POGLUT3: variants seen among roughly 807,000 people sequenced by gnomAD.
POGLUT3 encodes the protein protein O-glucosyltransferase 3.
A neutral mutation model predicts 54.3 loss-of-function variants in POGLUT3; 48 were observed. That is an observed-to-expected ratio of 0.88 (90% CI 0.70 to 1.12). The LOEUF (loss-of-function observed/expected upper bound fraction) is 1.12, where lower values mean the gene tolerates loss of function less well. POGLUT3 is among the 50% of genes most tolerant of loss of function. POGLUT3 has a pLI of 0.00. For missense variants in POGLUT3, 629 were observed against 618.7 expected (o/e 1.02, Z -0.18); for synonymous variants, 218 against 237.4 (o/e 0.92, Z 0.75).
At chr11:108,490,752 T>G (rs1277627923) in intron 2 of POGLUT3, among the ~76,000 whole-genome samples, 3 of 152,150 alleles carry the variant, frequency 2.0e-5, no homozygotes, top group South Asian at 2.1e-4. Context: ...GTTTCGCAAA[T>G]AGTAACTACA....
intron 3 of POGLUT3, among the ~76,000 whole-genome samples, chr11:108,483,830 G>A (rs896741744): frequency 2.6e-5 from 4 of 151,966 alleles, no homozygotes; most frequent in South Asian, 2.1e-4. Flanking sequence ...CACCACACCC[G>A]GCTAATTTTT....
chr11:108,493,217 T>C (rs2093616239), intron 1 of POGLUT3, among the ~76,000 whole-genome samples: 1 of 152,222 alleles, frequency 6.6e-6, no homozygotes, highest in African/African-American at 2.4e-5. Flanking sequence ...TTTTTGTCGC[T>C]GAAATATCAT....
At position 108,472,990 on chromosome 11, in the gene POGLUT3, C is replaced by T. The variant is rs1002526774; in HGVS notation, c.*1837G>A. The T allele has an allele frequency of 5.3e-5, 8 of 152,284 alleles. No homozygotes were observed. Among genetic ancestry groups the T allele is most frequent in the African/African-American group, 1.9e-4 (8 of 41,560 alleles). The allele number at this position is 152,284 out of a possible 1,614,324, so 9.4% of individuals were successfully genotyped here. ...TCTTCAGCAAGAATAGATGTAACCA[C>T]TTTAAAAATAGTTACATTGTTTTCC... On this transcript the variant is annotated 3_prime_UTR_variant, in exon 8 of 8. Transcript: ENST00000323468.
rs2093577252 is a variant in POGLUT3, at chr11:108,474,832, GTTC to G, written c.1516_1518del (p.Glu506del). On this transcript the variant is annotated inframe_deletion, in exon 8 of 8. Coordinates refer to ENST00000323468, the MANE Select transcript of POGLUT3 (RefSeq NM_153705.5). Reference sequence around the variant, plus strand: ...GAGTGTGATTCTGGGCTGACTCAAAGTTCTTCTCTTGAAGGCTTTTTCCTGTGG... The same window carrying G: ...GAGTGTGATTCTGGGCTGACTCAAAGTTCTCTTGAAGGCTTTTTCCTGTGG... The G allele has an allele frequency of 4.3e-6, 7 of 1,614,094 alleles. No individual in the cohort carries two copies. The highest frequency in any genetic ancestry group is 5.1e-6 in the Non-Finnish European group (6 of 1,179,996).
chr11:108,479,406 G>A lies in POGLUT3; in HGVS notation c.1188C>T (p.Asp396=). 6.2e-7 allele frequency: 1 copy of A among 1,612,670 alleles called. No individual in the cohort carries two copies. The highest frequency in any genetic ancestry group is 8.5e-7 in the Non-Finnish European group (1 of 1,179,688). The change falls in exon 6 of 8, where the codon GAC becomes GAT. Residue 396 remains aspartate (D), a synonymous_variant. Coordinates refer to ENST00000323468, the MANE Select transcript of POGLUT3 (RefSeq NM_153705.5). ...MLGDSLVLKQ[D]SPYYEHFYMA... ...TGTAGAAATGTTCATAATATGGCGA[G>A]TCCTGCTTTAAAACCAGACTGTCGC...
At chr11:108,481,950 C>T in intron 4 of POGLUT3, 56 bp downstream of exon 4, 2 of 1,357,400 alleles carry the variant, frequency 1.5e-6, no homozygotes, top group Non-Finnish European at 2.1e-6. Context: ...ATATGTATAA[C>T]CCACTCTGTC....
intron 5 of POGLUT3, 58 bp from the exon 6 acceptor site, chr11:108,479,553 C>A: frequency 7.5e-7 from 1 of 1,325,836 alleles, no homozygotes; most frequent in Non-Finnish European, 1.0e-6. Flanking sequence ...TTCACTTCTG[C>A]TCCTCATCAA....
intron 7 of POGLUT3, among the ~76,000 whole-genome samples, chr11:108,475,463 G>GTTTTTTTTTTTTTTTTTTTT (rs367899085): frequency 2.7e-5 from 3 of 109,926 alleles, no homozygotes; most frequent in Admixed American, 1.0e-4. Flanking sequence ...AGTTTTTTTT[G>GTTTTTTTTTTTTTTTTTTTT]TTTTTGTTTT....
chr11:108,496,646 T>C (rs1192275134), intron 1 of POGLUT3, among the ~76,000 whole-genome samples: 2 of 152,232 alleles, frequency 1.3e-5, no homozygotes, highest in Non-Finnish European at 1.5e-5. Context: ...TCTGAGTATT[T>C]AGGGTCTAAC....
Position 108,473,088 on chromosome 11 carries a change from A to C in POGLUT3, c.*1739T>G, listed in dbSNP as rs1173204659. 1 of 150,770 alleles carries C rather than the reference A, an allele frequency of 6.6e-6. No individual in the cohort carries two copies. The highest frequency in any genetic ancestry group is 1.5e-5 in the Non-Finnish European group (1 of 67,594). 9.3% of individuals were successfully genotyped at this position (150,770 alleles called of 1,614,324 possible). A position where few individuals can be genotyped will look rare whatever the true frequency, so the allele number is the denominator to read the frequency against. On this transcript the variant is annotated 3_prime_UTR_variant, in exon 8 of 8. Transcript: ENST00000323468. Reference sequence around the variant, plus strand: ...TTTTCAGTTTTTGAGATGGAGTCTCACTCTGTCACCCAGGCTGGAGTGCAG... The same window carrying C: ...TTTTCAGTTTTTGAGATGGAGTCTCCCTCTGTCACCCAGGCTGGAGTGCAG...
At chr11:108,484,495 G>A (rs936813889) in intron 3 of POGLUT3, among the ~76,000 whole-genome samples, 27 of 152,098 alleles carry the variant, frequency 1.8e-4, no homozygotes, top group African/African-American at 6.3e-4. Context: ...TTGGCCAGGC[G>A]CAGTGGCTCA....
chr11:108,479,863 TTGCTC>T (rs1370952747), intron 5 of POGLUT3, among the ~76,000 whole-genome samples: 3 of 152,210 alleles, frequency 2.0e-5, no homozygotes, highest in African/African-American at 7.2e-5. Flanking sequence ...AGACAGTGTA[TTGCTC>T]TGTCACCCAG....
At position 108,473,950 on chromosome 11, in the gene POGLUT3, A is replaced by G. The variant is rs1332330660; in HGVS notation, c.*877T>C. 1 of 152,190 alleles carries G rather than the reference A, an allele frequency of 6.6e-6. No homozygotes were observed. The highest frequency in any genetic ancestry group is 2.4e-5 in the African/African-American group (1 of 41,464). 9.4% of individuals were successfully genotyped at this position (152,190 alleles called of 1,614,324 possible). The stretch of plus-strand genomic sequence containing the variant: ...CCACAGTCTCCATGCCACCTTTAAT[A>G]ACAGAGTCATTCTCTTCTTCCTTAA... On this transcript the variant is annotated 3_prime_UTR_variant, in exon 8 of 8. Coordinates refer to ENST00000323468, the MANE Select transcript of POGLUT3 (RefSeq NM_153705.5).
In POGLUT3 at chr11:108,482,052, G is replaced by A. The variant is rs951690325; in HGVS notation, c.855C>T (p.Ala285=). Residue 285 remains alanine, a synonymous_variant, in exon 4 of 8, where the codon GCC becomes GCT. Coordinates refer to ENST00000323468, the MANE Select transcript of POGLUT3 (RefSeq NM_153705.5). ...GGAGATCATTTGTAACACCCCGCAT[G>A]GCTTCAAGCATGGAGTGGGTGATGT... ...TYDITHSMLE[A]MRGVTNDLLS... is the part of the protein sequence containing the mutation. 4 of 1,613,926 alleles carry A rather than the reference G, an allele frequency of 2.5e-6. No homozygotes were observed. The highest frequency in any genetic ancestry group is 3.4e-6 in the Non-Finnish European group (4 of 1,179,998).
chr11:108,495,084 A>G (rs1230860195), intron 1 of POGLUT3, among the ~76,000 whole-genome samples: 1 of 150,534 alleles, frequency 6.6e-6, no homozygotes, highest in African/African-American at 2.5e-5. Context: ...ACTTGGATAT[A>G]TGTAGCATAA....
At position 108,477,667 on chromosome 11, in the gene POGLUT3, C is replaced by A; in HGVS notation, c.1338G>T (p.Leu446Phe). 6.2e-7 allele frequency: 1 copy of A among 1,613,564 alleles called. No homozygotes were observed. ...GTGGCTGTAGTAGGTCCCTAGCCATCAACTGTCCTTCTTTTGCAATCTTCT... is the reference window on the plus strand; with the variant it reads ...GTGGCTGTAGTAGGTCCCTAGCCATAAACTGTCCTTCTTTTGCAATCTTCT... ...EAKKIAKEGQ[L>F]MARDLLQPHR... The change falls in exon 7 of 8, where the codon TTG (leucine) becomes TTT (phenylalanine). Residue 446 changes from leucine to phenylalanine, a missense_variant. Leu to Phe is a conservative substitution (Grantham distance 22). Transcript: ENST00000323468.
At chr11:108,481,497 C>T in intron 4 of POGLUT3, 121 bp from the exon 5 acceptor site, 1 of 739,274 alleles carries the variant, frequency 1.4e-6, no homozygotes, top group African/African-American at 1.8e-5. Flanking sequence ...ATCAACTCAT[C>T]TTCTAAAGTA....
intron 1 of POGLUT3, among the ~76,000 whole-genome samples, chr11:108,494,595 A>C (rs1425790701): frequency 6.6e-6 from 1 of 152,226 alleles, no homozygotes; most frequent in Non-Finnish European, 1.5e-5. Flanking sequence ...CCAGTTTCTT[A>C]TGTGTAAAGA....
chr11:108,486,571 G>T, intron 2 of POGLUT3, 131 bp from the exon 3 acceptor site: 1 of 886,690 alleles, frequency 1.1e-6, no homozygotes, highest in Non-Finnish European at 1.7e-6. Flanking sequence ...CAAATCAGTG[G>T]TGTAAGTGAT....
Sources: gnomAD v4.1 joint callset for allele counts (sites outside exome capture counted in the v4.1 genomes callset) on GRCh38, gnomAD v4.1.1 for gene constraint, MANE v1.5 for transcripts, NCBI Gene and HGNC (gene_info 2026-07-23, HGNC 2026-07-21) for gene names.